TTC29: variants seen among roughly 807,000 people sequenced by gnomAD.
TTC29 encodes the protein tetratricopeptide repeat protein 29.
In TTC29, 49 loss-of-function variants were observed where a neutral mutation model predicts 58.1. The ratio of observed to expected loss-of-function variants is 0.84; its 90% CI spans 0.67 to 1.07. TTC29 has a LOEUF of 1.07. Among genes scored for constraint, TTC29 ranks in the 50% least tolerant of loss-of-function variants. TTC29 has a pLI of 0.00. For synonymous variants in TTC29, 209 were observed against 196.8 expected, an observed-to-expected ratio of 1.06 and a Z score of -0.52; for missense variants, 582 against 555.6, an observed-to-expected ratio of 1.05 and a Z score of -0.48.
intron 9 of TTC29, among the ~76,000 whole-genome samples, chr4:146,829,999 G>C (rs893393625): frequency 6.6e-6 from 1 of 152,038 alleles, no homozygotes; most frequent in Non-Finnish European, 1.5e-5. Flanking sequence ...TTCCCTCTCT[G>C]TATTTACTCA....
intron 11 of TTC29, among the ~76,000 whole-genome samples, chr4:146,778,864 A>G (rs549186532): frequency 9.4e-5 from 14 of 148,860 alleles, no homozygotes; most frequent in African/African-American, 3.0e-4. Context: ...AAAATTACCT[A>G]TTGGGTTCAT....
intron 11 of TTC29, among the ~76,000 whole-genome samples, chr4:146,777,288 G>GA (rs1175378420): frequency 2.6e-5 from 4 of 152,274 alleles, no homozygotes; most frequent in East Asian, 3.9e-4. Context: ...TTACAGAAGA[G>GA]AAAATCAAAG....
At chr4:146,928,680 C>G (rs750573280) in intron 4 of TTC29, among the ~76,000 whole-genome samples, 6 of 152,160 alleles carry the variant, frequency 3.9e-5, no homozygotes, top group Non-Finnish European at 7.3e-5. Context: ...CATGTTTACT[C>G]CGTCGGTAAA....
At chr4:146,886,498 C>T (rs1731992133) in intron 6 of TTC29, among the ~76,000 whole-genome samples, 1 of 152,094 alleles carries the variant, frequency 6.6e-6, no homozygotes, top group South Asian at 2.1e-4. Context: ...GAGTTATGTG[C>T]TGGACCCACT....
chr4:146,713,012 C>T (rs1026818116), intron 11 of TTC29, among the ~76,000 whole-genome samples: 1 of 151,824 alleles, frequency 6.6e-6, no homozygotes, highest in Non-Finnish European at 1.5e-5. Context: ...CTCCCTTTGG[C>T]TAAATACATA....
intron 4 of TTC29, among the ~76,000 whole-genome samples, chr4:146,922,497 A>T (rs373575229): frequency 5.9e-5 from 9 of 151,738 alleles, no homozygotes; most frequent in East Asian, 5.8e-4. Context: ...TTATAATTAT[A>T]GTAACAGCTA....
At chr4:146,910,525 C>G (rs1733828091) in intron 4 of TTC29, among the ~76,000 whole-genome samples, 1 of 151,726 alleles carries the variant, frequency 6.6e-6, no homozygotes, top group Non-Finnish European at 1.5e-5. Flanking sequence ...AGTGGTGAGA[C>G]AGGAAGTTTA....
rs573603746 is a variant in TTC29 at position 146,893,524 on chromosome 4, A to T, written c.586+10020T>A. Among the ~76,000 whole-genome samples, 68 of 152,328 alleles carry T rather than the reference A, an allele frequency of 4.5e-4. 2 individuals carry two copies. In the East Asian group the frequency reaches 9.8e-3, roughly 22 times the overall value. ...GATCCCTTCCTTACACCTTATACAA[A>T]AATTAATTCAAGATGGATTAAAGAC... On this transcript the variant is annotated intron_variant, in intron 6 of 12. Coordinates refer to ENST00000325106, the MANE Select transcript of TTC29 (RefSeq NM_031956.4).
rs527739793 is a variant in TTC29 at position 146,901,882 on chromosome 4, G to A, written c.586+1662C>T. ...CCTAGAAGAATGTAAGCTCTACAAG[G>A]GCAGAGACTTTGTCTTGTTCATTCT... On this transcript the variant is annotated intron_variant, in intron 6 of 12. Transcript: ENST00000325106. 2.1e-4 allele frequency among the ~76,000 whole-genome samples: 32 copies of A among 152,180 alleles called. No individual in the cohort carries two copies. In the South Asian group the frequency reaches 3.5e-3, roughly 17 times the overall value.
intron 11 of TTC29, among the ~76,000 whole-genome samples, chr4:146,746,213 T>C (rs1488151090): frequency 6.6e-6 from 1 of 150,904 alleles, no homozygotes; most frequent in Admixed American, 6.6e-5. Flanking sequence ...ATTACAAACT[T>C]AAAAAAAAAG....
chr4:146,724,308 G>A (rs1013679989), intron 11 of TTC29, among the ~76,000 whole-genome samples: 20 of 152,070 alleles, frequency 1.3e-4, no homozygotes, highest in African/African-American at 4.8e-4. Flanking sequence ...TCTATTTATT[G>A]CATACCTCAG....
chr4:146,779,004 G>GAAAAGAAAAGAAAAAGA (rs70958527), intron 11 of TTC29, among the ~76,000 whole-genome samples: 2 of 79,896 alleles, frequency 2.5e-5, no homozygotes, highest in African/African-American at 9.9e-5. Flanking sequence ...AAAAAAAAAA[G>GAAAAGAAAAGAAAAAGA]AAAAGAAAAG....
chr4:146,936,206 A>T (rs1172312559), intron 4 of TTC29, among the ~76,000 whole-genome samples: 1 of 152,206 alleles, frequency 6.6e-6, no homozygotes, highest in African/African-American at 2.4e-5. Context: ...TAGTGGAAAA[A>T]TAATATTAAG....
chr4:146,707,170 T>A lies in TTC29; in HGVS notation c.1416A>T (p.Lys472Asn). The A allele has an allele frequency of 6.5e-7, 1 of 1,530,192 alleles. No homozygotes were observed. The highest frequency in any genetic ancestry group is 8.8e-7 in the Non-Finnish European group (1 of 1,136,016). 94.8% of individuals were successfully genotyped at this position (1,530,192 alleles called of 1,614,324 possible). ...GTGAAAAGCTGCTTTAAGTTTCATT[T>A]TTTTGATCACCTGGAAACCTGAAAT... is the stretch of plus-strand genomic sequence containing the variant. ...EELSRFPGDQ[K>N]NET Residue 472 changes from lysine (K) to asparagine (N), a missense_variant, in exon 13 of 13, where the codon AAA (lysine) becomes AAT (asparagine). By Grantham distance (94) the Lys-to-Asn change is moderately conservative. Transcript: ENST00000325106.
At chr4:146,866,689 T>C (rs1188329084) in intron 8 of TTC29, among the ~76,000 whole-genome samples, 2 of 152,156 alleles carry the variant, frequency 1.3e-5, no homozygotes, top group African/African-American at 2.4e-5. Flanking sequence ...AAGTTTTCTA[T>C]GCTATCCAAT....
chr4:146,819,976 A>G, intron 10 of TTC29, 149 bp downstream of exon 10: 3 of 1,022,482 alleles, frequency 2.9e-6, no homozygotes, highest in Non-Finnish European at 4.4e-6. Flanking sequence ...AGTCCTTGCC[A>G]TGGACATTAA....
intron 11 of TTC29, among the ~76,000 whole-genome samples, chr4:146,741,021 G>C (rs1448143283): frequency 6.6e-6 from 1 of 152,140 alleles, no homozygotes; most frequent in Non-Finnish European, 1.5e-5. Flanking sequence ...CGACCATGGT[G>C]GAACAATCTT....
chr4:146,911,913 C>A lies in TTC29; in HGVS notation c.177-2664G>T, dbSNP rs183388580. Among the ~76,000 whole-genome samples, 419 of 152,218 alleles carry A rather than the reference C, an allele frequency of 2.8e-3. 6 individuals carry two copies. The highest frequency in any genetic ancestry group is 6.0e-4 in the Non-Finnish European group (41 of 68,018). On this transcript the variant is annotated intron_variant, in intron 4 of 12. Coordinates refer to ENST00000325106, the MANE Select transcript of TTC29 (RefSeq NM_031956.4). ...TGCCTGCTCTTGGGCATGTTGCTGC[C>A]CCCAAGCAAAACTAGAGCTATGTCT...
At chr4:146,784,577 GA>G (rs1321946126) in intron 11 of TTC29, among the ~76,000 whole-genome samples, 3 of 152,142 alleles carry the variant, frequency 2.0e-5, no homozygotes, top group Non-Finnish European at 4.4e-5. Flanking sequence ...AAAGACCCAA[GA>G]GGGCTCATTT....
Sources: gnomAD v4.1 joint callset for allele counts (sites outside exome capture counted in the v4.1 genomes callset) on GRCh38, gnomAD v4.1.1 for gene constraint, MANE v1.5 for transcripts, NCBI Gene and HGNC (gene_info 2026-07-23, HGNC 2026-07-21) for gene names.